Variants in FCHSD2 observed in about 807,000 individuals in gnomAD.
The protein encoded by FCHSD2 is FCH and double SH3 domains 2, also known as F-BAR and double SH3 domains protein 2.
Under a neutral mutation model 108.1 loss-of-function variants are expected in FCHSD2, and 38 were observed. That is an observed-to-expected ratio of 0.35 (90% confidence interval 0.27 to 0.46). The LOEUF (loss-of-function observed/expected upper bound fraction) is 0.46. Among genes scored for constraint, FCHSD2 ranks in the 20% least tolerant of loss-of-function variants. The pLI is 1.00. For synonymous variants in FCHSD2, 279 were observed against 314.7 expected, an observed-to-expected ratio of 0.89 and a Z score of 1.20; for missense variants, 751 against 897.8, an observed-to-expected ratio of 0.84 and a Z score of 2.09.
At chr11:73,079,095 C>T (rs554180777) in intron 3 of FCHSD2, among the ~76,000 whole-genome samples, 1 of 152,220 alleles carries the variant, frequency 6.6e-6, no homozygotes, top group South Asian at 2.1e-4. Flanking sequence ...AAACAGTGTA[C>T]TAAGGACTTG....
chr11:73,134,468 T>G (rs1861076686), intron 2 of FCHSD2, among the ~76,000 whole-genome samples: 2 of 150,636 alleles, frequency 1.3e-5, no homozygotes, highest in African/African-American at 4.9e-5. Flanking sequence ...AGACCCTGTC[T>G]CAAAAAAAAA....
intron 3 of FCHSD2, among the ~76,000 whole-genome samples, chr11:73,040,582 T>C (rs1340914476): frequency 6.6e-6 from 1 of 152,198 alleles, no homozygotes; most frequent in Non-Finnish European, 1.5e-5. Context: ...GAACAAACTT[T>C]CGGTTTTACA....
At chr11:73,066,147 G>C (rs963030758) in intron 3 of FCHSD2, among the ~76,000 whole-genome samples, 3 of 152,128 alleles carry the variant, frequency 2.0e-5, no homozygotes, top group Non-Finnish European at 4.4e-5. Context: ...TACCAAAACA[G>C]ATACATAGAC....
intron 8 of FCHSD2, among the ~76,000 whole-genome samples, chr11:72,926,036 C>T (rs1018353055): frequency 1.3e-5 from 2 of 152,204 alleles, no homozygotes; most frequent in Non-Finnish European, 2.9e-5. Context: ...GATATCTGTT[C>T]CCGCTGCTTG....
intron 12 of FCHSD2, among the ~76,000 whole-genome samples, chr11:72,882,775 C>A (rs908204924): frequency 1.3e-5 from 2 of 152,168 alleles, no homozygotes; most frequent in Non-Finnish European, 2.9e-5. Context: ...GTTGAGAAGT[C>A]AATTCTCCTC....
chr11:73,112,637 TTTG>T (rs1565096225), intron 2 of FCHSD2, among the ~76,000 whole-genome samples: 1 of 152,138 alleles, frequency 6.6e-6, no homozygotes, highest in Non-Finnish European at 1.5e-5. Flanking sequence ...GATTTGCCTT[TTTG>T]TTGTTGGTGG....
intron 2 of FCHSD2, among the ~76,000 whole-genome samples, chr11:73,134,627 T>C (rs987476650): frequency 6.6e-6 from 1 of 152,248 alleles, no homozygotes; most frequent in African/African-American, 2.4e-5. Flanking sequence ...GGACAGGTGC[T>C]TCTTGAGCCA....
At chr11:72,975,981 G>A (rs1857097059) in intron 8 of FCHSD2, among the ~76,000 whole-genome samples, 1 of 152,144 alleles carries the variant, frequency 6.6e-6, no homozygotes, top group Non-Finnish European at 1.5e-5. Context: ...TCTAAAAAAT[G>A]TTAGTTCATA....
At chr11:72,966,893 A>G (rs938951820) in intron 8 of FCHSD2, among the ~76,000 whole-genome samples, 4 of 152,080 alleles carry the variant, frequency 2.6e-5, no homozygotes, top group Non-Finnish European at 5.9e-5. Flanking sequence ...TGGGATGTGA[A>G]CCCTGATTAT....
At chr11:72,994,954 A>C (rs1443011569) in intron 5 of FCHSD2, among the ~76,000 whole-genome samples, 1 of 152,158 alleles carries the variant, frequency 6.6e-6, no homozygotes, top group Non-Finnish European at 1.5e-5. Flanking sequence ...TTCCTACCCC[A>C]AAAAGAAACT....
chr11:72,925,765 T>C (rs1316076893), intron 8 of FCHSD2, among the ~76,000 whole-genome samples: 1 of 152,066 alleles, frequency 6.6e-6, no homozygotes, highest in Admixed American at 6.5e-5. Context: ...CAGGGAAGCA[T>C]TGCTGGGGTT....
Position 73,016,148 on chromosome 11 carries a change from CA to C in FCHSD2, c.166-264del, listed in dbSNP as rs201376447. On this transcript the variant is annotated intron_variant, in intron 3 of 19. Coordinates refer to ENST00000409418, the MANE Select transcript of FCHSD2 (RefSeq NM_014824.3). ...TGAAAATCTATCTCTACCAAAAATA[CA>C]AAAATTAGCCGGGTGTGGTAGCATG... is the stretch of plus-strand genomic sequence containing the variant. 3.6e-4 allele frequency among the ~76,000 whole-genome samples: 55 copies of C among 152,028 alleles called. No homozygotes were observed. In the East Asian group the frequency reaches 9.1e-3, roughly 25 times the overall value.
chr11:73,023,409 T>C (rs186173498), intron 3 of FCHSD2, among the ~76,000 whole-genome samples: 2 of 152,204 alleles, frequency 1.3e-5, no homozygotes, highest in South Asian at 2.1e-4. Context: ...AAAGAAGATA[T>C]AAGAATGGCA....
intron 8 of FCHSD2, among the ~76,000 whole-genome samples, chr11:72,961,299 C>G (rs1856814688): frequency 6.6e-6 from 1 of 152,108 alleles, no homozygotes; most frequent in Non-Finnish European, 1.5e-5. Context: ...TCATAGCTCA[C>G]TATAGCCTCG....
At position 72,889,924 on chromosome 11, in the gene FCHSD2, TTTCTGA is replaced by T. The variant is rs780624347; in HGVS notation, c.940_945del (p.Ser314_Glu315del). ...AGACTGTGCTCCTCTGTGGTCCCAGTTTCTGATTCTAACTGTCGGCTCTACAATACA... is the reference window on the plus strand; with the variant it reads ...AGACTGTGCTCCTCTGTGGTCCCAGTTTCTAACTGTCGGCTCTACAATACA... On this transcript the variant is annotated inframe_deletion, in exon 11 of 20. Coordinates refer to ENST00000409418, the MANE Select transcript of FCHSD2 (RefSeq NM_014824.3). 95 of 1,612,030 alleles carry T rather than the reference TTTCTGA, an allele frequency of 5.9e-5. No individual in the cohort carries two copies. The African/African-American group carries it at 1.0e-3, about 17-fold the overall frequency.
At chr11:73,134,520 C>T (rs1861078063) in intron 2 of FCHSD2, among the ~76,000 whole-genome samples, 1 of 152,060 alleles carries the variant, frequency 6.6e-6, no homozygotes, top group Non-Finnish European at 1.5e-5. Context: ...AATCCAATCT[C>T]CCATGACTCC....
chr11:73,141,632 G>T (rs1023142379), intron 1 of FCHSD2, among the ~76,000 whole-genome samples: 1 of 152,196 alleles, frequency 6.6e-6, no homozygotes, highest in African/African-American at 2.4e-5. Context: ...TGAAATGTCT[G>T]GGGGTCTCCT....
chr11:72,905,880 A>G (rs1451443377), intron 9 of FCHSD2, among the ~76,000 whole-genome samples: 1 of 152,182 alleles, frequency 6.6e-6, no homozygotes. Flanking sequence ...GCTATTGTGA[A>G]TAGTGCCGCA....
chr11:72,842,318 G>C (rs1479751806), intron 17 of FCHSD2, among the ~76,000 whole-genome samples: 1 of 152,192 alleles, frequency 6.6e-6, no homozygotes, highest in African/African-American at 2.4e-5. Flanking sequence ...TCCCTCTTCG[G>C]TTTGTTTCTT....
Sources: allele counts gnomAD v4.1 joint callset (sites outside exome capture counted in the v4.1 genomes callset), GRCh38; gene constraint gnomAD v4.1.1; transcripts MANE v1.5; gene names NCBI Gene and HGNC (gene_info 2026-07-23, HGNC 2026-07-21).